Variants in SOHLH2 observed in about 807,000 individuals in gnomAD.
SOHLH2 encodes spermatogenesis- and oogenesis-specific basic helix-loop-helix-containing protein 2.
Under a neutral mutation model 50.4 loss-of-function variants are expected in SOHLH2, and 22 were observed. That is an observed-to-expected ratio of 0.44 (90% confidence interval 0.31 to 0.62). The LOEUF (loss-of-function observed/expected upper bound fraction) is 0.62. Among genes scored for constraint, SOHLH2 ranks in the 20% least tolerant of loss-of-function variants. The probability of loss-of-function intolerance (pLI) is 0.08; values close to 1 mark genes in which losing one functional copy is unlikely to be tolerated. For synonymous variants in SOHLH2, 185 were observed against 187.3 expected, an observed-to-expected ratio of 0.99 and a Z score of 0.10; for missense variants, 412 against 504.4, an observed-to-expected ratio of 0.82 and a Z score of 1.76.
rs753733603 is a variant in SOHLH2, at chr13:36,202,053, C to A, written c.89G>T (p.Gly30Val). Residue 30 changes from glycine (G) to valine (V), a missense_variant, in exon 2 of 11, where the codon GGC becomes GTC. Transcript: ENST00000379881. The part of the protein sequence containing the change: ...DILLVGDVTV[G>V]YLADTVQKLF... The stretch of plus-strand genomic sequence containing the variant: ...TTTCTGTACAGTATCAGCCAGGTAG[C>A]CCACAGTGACATCTCCAACTAATAA... 1.2e-6 allele frequency: 2 copies of A among 1,614,186 alleles called. No individual in the cohort carries two copies. The highest frequency in any genetic ancestry group is 1.7e-6 in the Non-Finnish European group (2 of 1,180,040).
At chr13:36,210,195 G>A (rs1266786244) in intron 1 of SOHLH2, among the ~76,000 whole-genome samples, 2 of 152,140 alleles carry the variant, frequency 1.3e-5, no homozygotes, top group African/African-American at 4.8e-5. Context: ...AGCTGGGAGA[G>A]TCCACAGGGT....
chr13:36,171,188 T>C (rs1886953855), intron 9 of SOHLH2, among the ~76,000 whole-genome samples: 2 of 152,210 alleles, frequency 1.3e-5, no homozygotes, highest in Admixed American at 1.3e-4. Flanking sequence ...AAAAATTGAA[T>C]ATATAATATT....
At chr13:36,205,201 A>G (rs1161449732) in intron 1 of SOHLH2, among the ~76,000 whole-genome samples, 2 of 152,120 alleles carry the variant, frequency 1.3e-5, no homozygotes, top group African/African-American at 4.8e-5. Context: ...TAGGTAGGCA[A>G]TCCTACCGCC....
At chr13:36,197,513 G>T (rs946000226) in intron 2 of SOHLH2, among the ~76,000 whole-genome samples, 3 of 152,164 alleles carry the variant, frequency 2.0e-5, no homozygotes, top group African/African-American at 4.8e-5. Context: ...GCCAAAGGGT[G>T]TTATAAGTCC....
At chr13:36,210,981 G>A (rs571903705) in intron 1 of SOHLH2, among the ~76,000 whole-genome samples, 4 of 152,216 alleles carry the variant, frequency 2.6e-5, no homozygotes, top group African/African-American at 7.2e-5. Context: ...GATTGTTTGC[G>A]AATCTCCACC....
chr13:36,193,954 T>A, intron 2 of SOHLH2, 87 bp from the exon 3 acceptor site: 1 of 1,212,858 alleles, frequency 8.2e-7, no homozygotes, highest in Non-Finnish European at 1.1e-6. Flanking sequence ...AGGAACTAAC[T>A]ACAGTGATTT....
chr13:36,168,276 T>C lies in SOHLH2; in HGVS notation c.*758A>G, dbSNP rs1886876078. On this transcript the variant is annotated 3_prime_UTR_variant, in exon 11 of 11. Coordinates refer to ENST00000379881, the MANE Select transcript of SOHLH2 (RefSeq NM_017826.3). ...AAACTTACATATAAGAACAATTCAGTGAAATATAAAACAAACCTTTTTCCC... is the reference window on the plus strand; with the variant it reads ...AAACTTACATATAAGAACAATTCAGCGAAATATAAAACAAACCTTTTTCCC... The C allele has an allele frequency of 6.6e-6, 1 of 152,272 alleles. No homozygotes were observed. Among genetic ancestry groups the C allele is most frequent in the African/African-American group, 2.4e-5 (1 of 41,432 alleles). The allele number at this position is 152,272 out of a possible 1,614,324, so 9.4% of individuals were successfully genotyped here. A position where few individuals can be genotyped will look rare whatever the true frequency, so the allele number is the denominator to read the frequency against.
chr13:36,209,427 A>G (rs931488685), intron 1 of SOHLH2, among the ~76,000 whole-genome samples: 4 of 152,110 alleles, frequency 2.6e-5, no homozygotes, highest in Admixed American at 2.0e-4. Flanking sequence ...TTTATTTCTC[A>G]GCTCAGAGGT....
chr13:36,174,586 T>C lies in SOHLH2; in HGVS notation c.790-19A>G, dbSNP rs1212390728. On this transcript the variant is annotated intron_variant, in intron 7 of 10. Transcript: ENST00000379881. Reference sequence around the variant, plus strand: ...CTGTAATCTAAAAAACACAGAAATATATTTAGGTAGATACCGACATTTTTA... The same window carrying C: ...CTGTAATCTAAAAAACACAGAAATACATTTAGGTAGATACCGACATTTTTA... The C allele has an allele frequency of 1.2e-6, 2 of 1,613,132 alleles. No homozygotes were observed. Among genetic ancestry groups the C allele is most frequent in the Non-Finnish European group, 1.7e-6 (2 of 1,179,850 alleles).
chr13:36,178,304 G>T (rs532614550), intron 6 of SOHLH2, among the ~76,000 whole-genome samples: 1 of 110,066 alleles, frequency 9.1e-6, no homozygotes, highest in African/African-American at 2.9e-5. Flanking sequence ...TTTTTTATAT[G>T]GTGTGAAGTA....
intron 4 of SOHLH2, among the ~76,000 whole-genome samples, chr13:36,192,557 C>T (rs1250696617): frequency 6.6e-6 from 1 of 152,130 alleles, no homozygotes; most frequent in African/African-American, 2.4e-5. Flanking sequence ...AAGTAAATCT[C>T]ATATAATCAT....
intron 6 of SOHLH2, among the ~76,000 whole-genome samples, chr13:36,185,006 G>A (rs1308288248): frequency 6.6e-6 from 1 of 152,002 alleles, no homozygotes; most frequent in African/African-American, 2.4e-5. Flanking sequence ...CCACTTATGA[G>A]TGAGACCATG....
At chr13:36,174,977 C>T in intron 6 of SOHLH2, 108 bp from the exon 7 acceptor site, 1 of 1,430,104 alleles carries the variant, frequency 7.0e-7, no homozygotes. Flanking sequence ...GAACCATCCC[C>T]TCCCTATATA....
chr13:36,208,032 C>T (rs1868887629), intron 1 of SOHLH2, among the ~76,000 whole-genome samples: 1 of 152,134 alleles, frequency 6.6e-6, no homozygotes, highest in Admixed American at 6.5e-5. Flanking sequence ...AGTCTGGCCA[C>T]ACTCAATGGA....
rs376964636 is a variant in SOHLH2, at chr13:36,172,557, T to C, written c.1000+1135A>G. ...TCCCATGGCTTCCGCCACATCCCCA[T>C]CTGTGCATGGTTCCTCTACTACAGC... On this transcript the variant is annotated intron_variant, in intron 9 of 10. Coordinates refer to ENST00000379881, the MANE Select transcript of SOHLH2 (RefSeq NM_017826.3). Among the ~76,000 whole-genome samples the C allele has an allele frequency of 2.0e-5, 3 of 152,344 alleles. No homozygotes were observed. The South Asian group carries it at 6.2e-4, about 32-fold the overall frequency.
In SOHLH2 at chr13:36,170,587, G is replaced by T. The variant is rs1480755951; in HGVS notation, c.1201C>A (p.Pro401Thr). Residue 401 changes from proline (P) to threonine (T), a missense_variant, in exon 10 of 11, where the codon CCT becomes ACT. Physicochemically the swap from Pro to Thr is conservative, Grantham distance 38. Transcript: ENST00000379881. Reference protein sequence around the residue: ...SAMPPVSKLLPRHCTSGLGQT... With the variant: ...SAMPPVSKLLTRHCTSGLGQT... ...CCCAACCCAGAAGTGCAGTGCCGAG[G>T]GAGAAGCTTTGAGACCGGGGGCATG... 6.2e-7 allele frequency: 1 copy of T among 1,614,178 alleles called. No homozygotes were observed. Among genetic ancestry groups the T allele is most frequent in the South Asian group, 1.1e-5 (1 of 91,080 alleles).
intron 2 of SOHLH2, among the ~76,000 whole-genome samples, chr13:36,200,047 G>C (rs1247319166): frequency 6.6e-6 from 1 of 152,162 alleles, no homozygotes; most frequent in Non-Finnish European, 1.5e-5. Context: ...GAAGGGAAGA[G>C]TAGAGTTCTC....
Position 36,202,030 on chromosome 13 carries a change from T to G in SOHLH2, c.112A>C (p.Lys38Gln). The change falls in exon 2 of 11, where the codon AAA becomes CAA. Residue 38 changes from lysine (K) to glutamine (Q), a missense_variant. Physicochemically the swap from Lys to Gln is moderately conservative, Grantham distance 53 (BLOSUM62 1). Transcript: ENST00000379881. The part of the protein sequence containing the change: ...TVGYLADTVQ[K>Q]LFANIAEVTI... ...ACTTCTGCTATGTTTGCAAATAGTT[T>G]CTGTACAGTATCAGCCAGGTAGCCC... 1 of 1,614,214 alleles carries G rather than the reference T, an allele frequency of 6.2e-7. No homozygotes were observed. The highest frequency in any genetic ancestry group is 2.2e-5 in the East Asian group (1 of 44,866).
At chr13:36,193,985 A>G in intron 2 of SOHLH2, 118 bp from the exon 3 acceptor site, 1 of 895,300 alleles carries the variant, frequency 1.1e-6, no homozygotes, top group Non-Finnish European at 1.6e-6. Context: ...TTTAGAATTT[A>G]AAATAATATC....
Sources: allele counts gnomAD v4.1 joint callset (sites outside exome capture counted in the v4.1 genomes callset), GRCh38; gene constraint gnomAD v4.1.1; transcripts MANE v1.5; gene names NCBI Gene and HGNC (gene_info 2026-07-23, HGNC 2026-07-21).